Variants in RAB11FIP2 observed in about 807,000 individuals in gnomAD.
The protein encoded by RAB11FIP2 is rab11 family-interacting protein 2.
RAB11FIP2 carries 16 observed loss-of-function variants against 40.9 expected under a neutral mutation model. The ratio of observed to expected loss-of-function variants is 0.39; its 90% CI spans 0.26 to 0.59. The LOEUF (loss-of-function observed/expected upper bound fraction) is 0.59, where lower values mean the gene tolerates loss of function less well. Ranked by LOEUF, RAB11FIP2 falls within the 20% of genes least tolerant of loss-of-function variation. The pLI is 0.53. For synonymous variants in RAB11FIP2, 228 were observed against 213.7 expected (o/e 1.07, Z -0.58); for missense variants, 532 against 606.2 (o/e 0.88, Z 1.28).
At chr10:118,011,541 G>A (rs142270383) in intron 4 of RAB11FIP2, among the ~76,000 whole-genome samples, 3 of 151,630 alleles carry the variant, frequency 2.0e-5, no homozygotes, top group South Asian at 2.1e-4. Flanking sequence ...TGTAGAGTTC[G>A]GTATACTTTT....
chr10:118,007,543 A>G lies in RAB11FIP2; in HGVS notation c.*1455T>C, dbSNP rs1846107957. On this transcript the variant is annotated 3_prime_UTR_variant, in exon 5 of 5. Coordinates refer to ENST00000355624, the MANE Select transcript of RAB11FIP2 (RefSeq NM_014904.3). ...TATTAGAAAAAAATGCAATTCATGGAAAGATTGGGGAATATGTAAGTCTCC... is the reference window on the plus strand; with the variant it reads ...TATTAGAAAAAAATGCAATTCATGGGAAGATTGGGGAATATGTAAGTCTCC... 2 of 152,030 alleles carry G rather than the reference A, an allele frequency of 1.3e-5. No homozygotes were observed. The highest frequency in any genetic ancestry group is 6.6e-5 in the Admixed American group (1 of 15,256). 9.4% of individuals were successfully genotyped at this position (152,030 alleles called of 1,614,324 possible). A position where few individuals can be genotyped will look rare whatever the true frequency, so the allele number is the denominator to read the frequency against.
chr10:118,023,324 T>C (rs1846303654), intron 3 of RAB11FIP2, among the ~76,000 whole-genome samples: 1 of 152,226 alleles, frequency 6.6e-6, no homozygotes, highest in Non-Finnish European at 1.5e-5. Context: ...TTGGAATCTT[T>C]AGCACATTCC....
intron 4 of RAB11FIP2, 112 bp downstream of exon 4, chr10:118,014,953 T>A (rs1028489383): frequency 8.1e-6 from 7 of 865,910 alleles, no homozygotes; most frequent in African/African-American, 1.7e-5. Context: ...AAGCTACAAT[T>A]CTTAGGTAAG....
intron 4 of RAB11FIP2, among the ~76,000 whole-genome samples, chr10:118,011,593 G>C (rs1357714911): frequency 1.3e-5 from 2 of 151,952 alleles, no homozygotes; most frequent in Non-Finnish European, 2.9e-5. Flanking sequence ...ACTTCAACTC[G>C]AGTAATTCTG....
In RAB11FIP2 at chr10:118,040,148, A is replaced by T. The variant is rs775744645; in HGVS notation, c.771T>A (p.Asp257Glu). 4 of 1,613,686 alleles carry T rather than the reference A, an allele frequency of 2.5e-6. No homozygotes were observed. The highest frequency in any genetic ancestry group is 3.4e-6 in the Non-Finnish European group (4 of 1,179,672). ...CACTTTCTGGAACTGTTCCAAAGGA[A>T]TCTAACTGGTGTCCGAGAAGATGTG... ...GQTHLLGHQL[D>E]SFGTVPESGS... Residue 257 changes from aspartate to glutamate, a missense_variant, in exon 2 of 5, where the codon GAT becomes GAA. By Grantham distance (45) the Asp-to-Glu change is conservative. Transcript: ENST00000355624.
In RAB11FIP2 at chr10:118,045,819, C is replaced by T. The variant is rs758074790; in HGVS notation, c.345G>A (p.Arg115=). 24 of 1,599,112 alleles carry T rather than the reference C, an allele frequency of 1.5e-5. No homozygotes were observed. In the Admixed American group the frequency reaches 2.8e-4, roughly 18 times the overall value. ...LNDIFEDKQR[R]KTEWFRLESK... ...TAAATTACATAACTTACTCTGTTTTCCTTCTTTGTTTGTCCTCAAAGATGT... is the reference window on the plus strand; with the variant it reads ...TAAATTACATAACTTACTCTGTTTTTCTTCTTTGTTTGTCCTCAAAGATGT... Residue 115 remains arginine (R), a synonymous_variant, in exon 1 of 5, where the codon AGG becomes AGA. Transcript: ENST00000355624.
At chr10:118,024,947 G>A (rs370331783) in intron 3 of RAB11FIP2, among the ~76,000 whole-genome samples, 8 of 152,282 alleles carry the variant, frequency 5.3e-5, no homozygotes, top group African/African-American at 1.9e-4. Context: ...GAGGCTTCAA[G>A]GAGGGACATC....
chr10:118,019,542 G>A (rs930815539), intron 3 of RAB11FIP2, among the ~76,000 whole-genome samples: 4 of 151,620 alleles, frequency 2.6e-5, no homozygotes, highest in Non-Finnish European at 4.4e-5. Flanking sequence ...GGGGATTCAC[G>A]GCTGGGCATG....
At chr10:118,043,755 T>C (rs1846592039) in intron 1 of RAB11FIP2, among the ~76,000 whole-genome samples, 1 of 152,170 alleles carries the variant, frequency 6.6e-6, no homozygotes, top group African/African-American at 2.4e-5. Flanking sequence ...AAAAAGCACT[T>C]GGGAATATGC....
In RAB11FIP2 at chr10:118,046,125, G is replaced by A. The variant is rs1259213943; in HGVS notation, c.39C>T (p.Thr13=). ...LSEQAQKWFP[T]HVQVTVLQAK... ...CTTGGAGCACTGTGACCTGCACGTGGGTTGGAAACCACTTTTGGGCTTGCT... is the reference window on the plus strand; with the variant it reads ...CTTGGAGCACTGTGACCTGCACGTGAGTTGGAAACCACTTTTGGGCTTGCT... The change falls in exon 1 of 5, where the codon ACC becomes ACT. Residue 13 remains threonine (T), a synonymous_variant. Coordinates refer to ENST00000355624, the MANE Select transcript of RAB11FIP2 (RefSeq NM_014904.3). 3.1e-6 allele frequency: 5 copies of A among 1,614,184 alleles called. No individual in the cohort carries two copies. Among genetic ancestry groups the A allele is most frequent in the South Asian group, 1.1e-5 (1 of 91,084 alleles).
intron 1 of RAB11FIP2, among the ~76,000 whole-genome samples, chr10:118,042,257 G>C (rs1330027610): frequency 6.6e-6 from 1 of 151,866 alleles, no homozygotes. Flanking sequence ...GCAAATATGA[G>C]TAAAAAAAAA....
In RAB11FIP2 at chr10:118,046,359, C is replaced by T. The variant is rs943197081; in HGVS notation, c.-196G>A. On this transcript the variant is annotated 5_prime_UTR_variant, in exon 1 of 5. Coordinates refer to ENST00000355624, the MANE Select transcript of RAB11FIP2 (RefSeq NM_014904.3). Reference sequence around the variant, plus strand: ...AGGGGCACGGCCGCTCCGGGGGTCCCCTTTCGTCTGGAGAAACACAGAGGC... The same window carrying T: ...AGGGGCACGGCCGCTCCGGGGGTCCTCTTTCGTCTGGAGAAACACAGAGGC... The T allele has an allele frequency of 6.8e-6, 4 of 586,616 alleles. No individual in the cohort carries two copies. Among genetic ancestry groups the T allele is most frequent in the Non-Finnish European group, 3.0e-6 (1 of 332,208 alleles). The allele number at this position is 586,616 out of a possible 1,614,324, so 36.3% of individuals were successfully genotyped here.
intron 3 of RAB11FIP2, among the ~76,000 whole-genome samples, chr10:118,025,790 T>C (rs910260024): frequency 6.6e-6 from 1 of 152,224 alleles, no homozygotes; most frequent in Non-Finnish European, 1.5e-5. Context: ...CTCATTTATC[T>C]TTACCTCTCT....
rs199725545 is a variant in RAB11FIP2 at position 118,046,175 on chromosome 10, T to G, written c.-12A>C. ...TCGGACAGCATCATCCTGTCCTGTT[T>G]CTCTGCCCCCGAGTTCCCTAGCACA... On this transcript the variant is annotated 5_prime_UTR_variant, in exon 1 of 5. Transcript: ENST00000355624. 627 of 1,608,346 alleles carry G rather than the reference T, an allele frequency of 3.9e-4. 9 individuals are homozygous for G. In the East Asian group the frequency reaches 0.014, roughly 35 times the overall value.
At chr10:118,027,226 A>T (rs1846353737) in intron 3 of RAB11FIP2, among the ~76,000 whole-genome samples, 1 of 152,242 alleles carries the variant, frequency 6.6e-6, no homozygotes, top group Admixed American at 6.5e-5. Context: ...AATGAGGTGT[A>T]GAAAGGTTAA....
intron 3 of RAB11FIP2, among the ~76,000 whole-genome samples, chr10:118,019,182 T>C (rs1296448519): frequency 6.6e-6 from 1 of 152,190 alleles, no homozygotes; most frequent in Non-Finnish European, 1.5e-5. Flanking sequence ...AAAATAAGTA[T>C]TTTTAAGTAT....
At chr10:118,036,577 A>G (rs2133179831) in intron 3 of RAB11FIP2, among the ~76,000 whole-genome samples, 1 of 152,228 alleles carries the variant, frequency 6.6e-6, no homozygotes, top group South Asian at 2.1e-4. Context: ...GTCTATTTAT[A>G]TTCAATTCTT....
At position 118,008,278 on chromosome 10, in the gene RAB11FIP2, T is replaced by C. The variant is rs913642389; in HGVS notation, c.*720A>G. On this transcript the variant is annotated 3_prime_UTR_variant, in exon 5 of 5. Transcript: ENST00000355624. Reference sequence around the variant, plus strand: ...GAAAAACTTTGATGCTAGAATAATATATAGCAGCTCACTTTGAAACCAAGG... The same window carrying C: ...GAAAAACTTTGATGCTAGAATAATACATAGCAGCTCACTTTGAAACCAAGG... 2 of 152,302 alleles carry C rather than the reference T, an allele frequency of 1.3e-5. No homozygotes were observed. The highest frequency in any genetic ancestry group is 2.4e-5 in the African/African-American group (1 of 41,430). The allele number at this position is 152,302 out of a possible 1,614,324, so 9.4% of individuals were successfully genotyped here.
In RAB11FIP2 at chr10:118,043,550, GAC is replaced by G. The variant is rs1288245072; in HGVS notation, c.353+2259_353+2260del. 20 of 152,222 alleles carry G rather than the reference GAC, an allele frequency of 1.3e-4. No homozygotes were observed. The East Asian group carries it at 3.9e-3, about 29-fold the overall frequency. 9.4% of individuals were successfully genotyped at this position (152,222 alleles called of 1,614,324 possible). On this transcript the variant is annotated intron_variant, in intron 1 of 4. Coordinates refer to ENST00000355624, the MANE Select transcript of RAB11FIP2 (RefSeq NM_014904.3). ...TCCCCATTCCTTAAGAGAGAAAAAA[GAC>G]ATATATTTTCAAGGTAAGAAAATAA... is the stretch of plus-strand genomic sequence containing the variant.
Sources: gnomAD v4.1 joint callset for allele counts (sites outside exome capture counted in the v4.1 genomes callset) on GRCh38, gnomAD v4.1.1 for gene constraint, MANE v1.5 for transcripts, NCBI Gene and HGNC (gene_info 2026-07-23, HGNC 2026-07-21) for gene names.